The following SCFD2 variants were observed in gnomAD, a reference collection of about 807,000 sequenced individuals.
SCFD2 encodes sec1 family domain-containing protein 2.
A neutral mutation model predicts 58.9 loss-of-function variants in SCFD2; 54 were observed. The observed-to-expected ratio is 0.92, with a 90% confidence interval of 0.74 to 1.15. The LOEUF (loss-of-function observed/expected upper bound fraction) is 1.15. Ranked by LOEUF, SCFD2 falls within the 50% of genes most tolerant of loss-of-function variation. The pLI is 0.00. For synonymous variants in SCFD2, 321 were observed against 335.9 expected, an observed-to-expected ratio of 0.96 and a Z score of 0.49; for missense variants, 805 against 836.6, an observed-to-expected ratio of 0.96 and a Z score of 0.47.
chr4:53,323,713 T>C (rs1255424343), intron 2 of SCFD2, among the ~76,000 whole-genome samples: 2 of 151,862 alleles, frequency 1.3e-5, no homozygotes, highest in Non-Finnish European at 2.9e-5. Context: ...CTGTAAAAAA[T>C]ATTCTATTTA....
chr4:52,886,253 T>G (rs1239342071), intron 7 of SCFD2, among the ~76,000 whole-genome samples: 1 of 152,168 alleles, frequency 6.6e-6, no homozygotes, highest in Non-Finnish European at 1.5e-5. Flanking sequence ...CCAATCAGCA[T>G]GCACTCCCCA....
chr4:53,048,516 C>T (rs1167575465), intron 5 of SCFD2, among the ~76,000 whole-genome samples: 1 of 151,982 alleles, frequency 6.6e-6, no homozygotes, highest in African/African-American at 2.4e-5. Flanking sequence ...CAGGAAGATC[C>T]CTTGAGCCCA....
intron 4 of SCFD2, among the ~76,000 whole-genome samples, chr4:53,229,455 G>T (rs1729354298): frequency 6.6e-6 from 1 of 152,152 alleles, no homozygotes; most frequent in Non-Finnish European, 1.5e-5. Flanking sequence ...AGAGACCTCA[G>T]AAATAATGCC....
At chr4:53,236,409 T>C (rs1375472204) in intron 4 of SCFD2, among the ~76,000 whole-genome samples, 2 of 150,634 alleles carry the variant, frequency 1.3e-5, no homozygotes, top group Non-Finnish European at 1.5e-5. Context: ...TGTATATATA[T>C]ATGATATATT....
chr4:53,093,068 A>C (rs1424558152), intron 5 of SCFD2, among the ~76,000 whole-genome samples: 3 of 152,114 alleles, frequency 2.0e-5, no homozygotes, highest in Non-Finnish European at 2.9e-5. Flanking sequence ...TGAATGAGGG[A>C]GGACAGAGGA....
At chr4:53,252,761 A>G (rs1381111057) in intron 4 of SCFD2, among the ~76,000 whole-genome samples, 6 of 151,922 alleles carry the variant, frequency 3.9e-5, no homozygotes, top group African/African-American at 1.4e-4. Flanking sequence ...AGACTTAAAC[A>G]TTAGACCTAA....
intron 5 of SCFD2, among the ~76,000 whole-genome samples, chr4:53,129,551 T>C (rs544721250): frequency 6.6e-5 from 10 of 152,346 alleles, no homozygotes; most frequent in African/African-American, 2.4e-4. Flanking sequence ...GCCTAGAGCC[T>C]GTTGCATCTC....
intron 4 of SCFD2, among the ~76,000 whole-genome samples, chr4:53,218,055 T>G (rs953076386): frequency 4.6e-5 from 7 of 152,322 alleles, no homozygotes; most frequent in African/African-American, 1.7e-4. Flanking sequence ...ACCCGACCTT[T>G]CTCTCTGGCT....
intron 5 of SCFD2, among the ~76,000 whole-genome samples, chr4:52,973,697 C>T (rs6835661): frequency 1.3e-5 from 2 of 152,116 alleles, no homozygotes; most frequent in Non-Finnish European, 2.9e-5. Context: ...GATACCAAAG[C>T]CTGGCAGAGA....
At chr4:52,897,281 T>C (rs58017733) in intron 7 of SCFD2, among the ~76,000 whole-genome samples, 2,712 of 152,322 alleles carry the variant, frequency 0.018, 101 homozygotes, top group African/African-American at 0.062. Flanking sequence ...CAGTATGATA[T>C]TGGCTGTGGG....
intron 4 of SCFD2, among the ~76,000 whole-genome samples, chr4:53,180,797 G>T (rs187843642): frequency 6.6e-6 from 1 of 151,768 alleles, no homozygotes; most frequent in African/African-American, 2.4e-5. Flanking sequence ...TCAAACAGAC[G>T]CAATAAAAAA....
chr4:53,251,513 C>T (rs1311470442), intron 4 of SCFD2, among the ~76,000 whole-genome samples: 1 of 152,142 alleles, frequency 6.6e-6, no homozygotes, highest in African/African-American at 2.4e-5. Context: ...AATCCAGCAG[C>T]ACATCAAAAA....
intron 4 of SCFD2, among the ~76,000 whole-genome samples, chr4:53,217,822 TTTTAGG>T: frequency 6.6e-6 from 1 of 152,338 alleles, no homozygotes; most frequent in South Asian, 2.1e-4. Context: ...TCAGGAGCTC[TTTTAGG>T]GCAGGCCTGG....
intron 3 of SCFD2, among the ~76,000 whole-genome samples, chr4:53,295,632 T>C (rs909941115): frequency 6.6e-6 from 1 of 152,192 alleles, no homozygotes; most frequent in East Asian, 1.9e-4. Flanking sequence ...CTTTATTTCT[T>C]TCTCTTGCCT....
chr4:53,104,607 C>T (rs1288773585), intron 5 of SCFD2, among the ~76,000 whole-genome samples: 7 of 152,106 alleles, frequency 4.6e-5, no homozygotes, highest in African/African-American at 9.7e-5. Flanking sequence ...ACCATACTAA[C>T]GTAAGATGTA....
At chr4:52,951,119 G>A (rs1291282071) in intron 5 of SCFD2, 3 of 152,120 alleles carry the variant, frequency 2.0e-5, no homozygotes, top group Non-Finnish European at 2.9e-5. Context: ...TTTAGTTTGG[G>A]ACTAACATAC....
intron 5 of SCFD2, among the ~76,000 whole-genome samples, chr4:53,008,177 G>A (rs1052407920): frequency 2.6e-5 from 4 of 152,206 alleles, no homozygotes; most frequent in African/African-American, 9.6e-5. Flanking sequence ...AGGAGCCCAT[G>A]CAGGAAGCAC....
chr4:53,328,909 A>G (rs1733314371), intron 2 of SCFD2, among the ~76,000 whole-genome samples: 1 of 152,262 alleles, frequency 6.6e-6, no homozygotes, highest in African/African-American at 2.4e-5. Flanking sequence ...GAGCCGAAGC[A>G]GGGCGAGGCA....
intron 5 of SCFD2, among the ~76,000 whole-genome samples, chr4:53,099,080 G>A (rs7661029): frequency 0.053 from 8,056 of 152,112 alleles, 716 homozygotes; most frequent in African/African-American, 0.18. Context: ...AGTGTCTGGC[G>A]CTCAGTAAGT....
Sources: allele counts gnomAD v4.1 joint callset (sites outside exome capture counted in the v4.1 genomes callset), GRCh38; gene constraint gnomAD v4.1.1; transcripts MANE v1.5; gene names NCBI Gene and HGNC (gene_info 2026-07-23, HGNC 2026-07-21).